Variants in NDNF observed in about 807,000 individuals in gnomAD.
NDNF encodes the protein neuron derived neurotrophic factor.
A neutral mutation model predicts 42.0 loss-of-function variants in NDNF; 16 were observed. That is an observed-to-expected ratio of 0.38 (90% confidence interval 0.26 to 0.58). NDNF has a LOEUF of 0.58. Ranked by LOEUF, NDNF falls within the 20% of genes least tolerant of loss-of-function variation. The pLI, the probability that NDNF is intolerant of heterozygous loss-of-function variation, is 0.67. For missense variants in NDNF, 616 were observed against 666.2 expected, an observed-to-expected ratio of 0.92 and a Z score of 0.83; for synonymous variants, 248 against 251.7, an observed-to-expected ratio of 0.99 and a Z score of 0.14.
intron 1 of NDNF, among the ~76,000 whole-genome samples, chr4:121,055,335 A>G (rs1484988976): frequency 6.6e-6 from 1 of 152,152 alleles, no homozygotes; most frequent in African/African-American, 2.4e-5. Flanking sequence ...GATGAGGAAT[A>G]ATGGAAAAAC....
At chr4:121,069,311 G>T (rs1001151995) in intron 1 of NDNF, among the ~76,000 whole-genome samples, 1 of 152,106 alleles carries the variant, frequency 6.6e-6, no homozygotes, top group African/African-American at 2.4e-5. Flanking sequence ...AACAGACCCA[G>T]GACAAATAAG....
intron 2 of NDNF, 103 bp from the exon 3 acceptor site, chr4:121,040,157 T>A: frequency 1.8e-6 from 2 of 1,142,096 alleles, no homozygotes; most frequent in East Asian, 2.9e-5. Flanking sequence ...TTTCATTTTA[T>A]AAATTTTATA....
chr4:121,054,917 C>A (rs1727258836), intron 1 of NDNF, among the ~76,000 whole-genome samples: 2 of 152,188 alleles, frequency 1.3e-5, no homozygotes, highest in African/African-American at 4.8e-5. Flanking sequence ...GCAACCTCTA[C>A]CTCCTGAGCT....
At chr4:121,049,657 A>C (rs563183777) in intron 1 of NDNF, among the ~76,000 whole-genome samples, 1 of 152,188 alleles carries the variant, frequency 6.6e-6, no homozygotes, top group Admixed American at 6.5e-5. Context: ...TCTATTTATT[A>C]AACTATTTTA....
At chr4:121,044,844 T>C (rs2148765114) in intron 2 of NDNF, among the ~76,000 whole-genome samples, 1 of 152,180 alleles carries the variant, frequency 6.6e-6, no homozygotes, top group East Asian at 1.9e-4. Flanking sequence ...CACACACCTA[T>C]AGTCCCAGCT....
chr4:121,054,584 G>A (rs1727252564), intron 1 of NDNF, among the ~76,000 whole-genome samples: 1 of 152,216 alleles, frequency 6.6e-6, no homozygotes, highest in Admixed American at 6.5e-5. Context: ...CATTTATGCT[G>A]TCATCTGAAT....
chr4:121,037,340 A>T lies in NDNF; in HGVS notation c.631T>A (p.Tyr211Asn). 6.2e-7 allele frequency: 1 copy of T among 1,614,102 alleles called. No homozygotes were observed. The highest frequency in any genetic ancestry group is 8.5e-7 in the Non-Finnish European group (1 of 1,180,024). The change falls in exon 4 of 4, where the codon TAC becomes AAC. Residue 211 changes from tyrosine (Y) to asparagine (N), a missense_variant. Tyr to Asn is a moderately radical substitution (Grantham distance 143). Coordinates refer to ENST00000379692, the MANE Select transcript of NDNF (RefSeq NM_024574.4). ...TASLLKQPIQ[Y>N]CVVINKEHNF... ...TGCTCTTTGTTGATGACCACACAGT[A>T]CTGAATGGGTTGTTTCAGCAAAGAG... is the stretch of plus-strand genomic sequence containing the variant.
intron 1 of NDNF, among the ~76,000 whole-genome samples, chr4:121,064,166 T>C (rs1727461554): frequency 6.6e-6 from 1 of 152,234 alleles, no homozygotes; most frequent in Non-Finnish European, 1.5e-5. Context: ...ACCAAAGAGT[T>C]ACAACTTTAT....
chr4:121,036,720 G>C lies in NDNF; in HGVS notation c.1251C>G (p.Tyr417Ter). 1 of 1,614,096 alleles carries C rather than the reference G, an allele frequency of 6.2e-7. No individual in the cohort carries two copies. The highest frequency in any genetic ancestry group is 8.5e-7 in the Non-Finnish European group (1 of 1,180,004). Residue 417 changes from tyrosine to a stop codon, truncating the protein, a stop_gained, in exon 4 of 4, where the codon TAC becomes TAG. Transcript: ENST00000379692. LOFTEE classifies it high-confidence loss of function. Reference sequence around the variant, plus strand: ...TCTTGTTTCCTTTCAGTCGAACGAGGTATTTAGCTTTAGGTTTTCCTCTAA... The same window carrying C: ...TCTTGTTTCCTTTCAGTCGAACGAGCTATTTAGCTTTAGGTTTTCCTCTAA... ...FQLRGKPKAKYLVRLKGNKKG... is the reference protein window; with the variant it reads ...FQLRGKPKAK
intron 1 of NDNF, among the ~76,000 whole-genome samples, chr4:121,048,809 G>A (rs1579314353): frequency 6.6e-6 from 1 of 152,148 alleles, no homozygotes; most frequent in East Asian, 1.9e-4. Flanking sequence ...CTGCACTCCA[G>A]CATGGGCGAC....
At chr4:121,052,999 G>A (rs1727225682) in intron 1 of NDNF, among the ~76,000 whole-genome samples, 1 of 152,154 alleles carries the variant, frequency 6.6e-6, no homozygotes, top group South Asian at 2.1e-4. Context: ...CTCTCACTCT[G>A]CGATAACATG....
chr4:121,060,056 T>C (rs1489427827), intron 1 of NDNF, among the ~76,000 whole-genome samples: 1 of 152,244 alleles, frequency 6.6e-6, no homozygotes, highest in Non-Finnish European at 1.5e-5. Flanking sequence ...CAAGTTTTAA[T>C]ATTTTAAACC....
intron 1 of NDNF, among the ~76,000 whole-genome samples, chr4:121,053,147 C>T (rs1727229940): frequency 6.6e-6 from 1 of 152,202 alleles, no homozygotes; most frequent in East Asian, 1.9e-4. Context: ...CAATAATCTA[C>T]AGATTAGGGA....
At position 121,045,828 on chromosome 4, in the gene NDNF, G is replaced by A. The variant is rs1727082874; in HGVS notation, c.10C>T (p.Leu4Phe). 1.2e-6 allele frequency: 2 copies of A among 1,614,036 alleles called. No individual in the cohort carries two copies. The change falls in exon 2 of 4, where the codon CTC becomes TTC. Residue 4 changes from leucine (L) to phenylalanine (F), a missense_variant. Coordinates refer to ENST00000379692, the MANE Select transcript of NDNF (RefSeq NM_024574.4). The stretch of plus-strand genomic sequence containing the variant: ...AGGAGCCACAGCAGGCACCAGTGGA[G>A]CAGCACCATCCTGAGGCAACAGAAA... Reference protein sequence around the residue: MVLLHWCLLWLLFP... With the variant: MVLFHWCLLWLLFP...
intron 1 of NDNF, among the ~76,000 whole-genome samples, chr4:121,057,192 T>C (rs1243921895): frequency 6.6e-6 from 1 of 152,088 alleles, no homozygotes; most frequent in African/African-American, 2.4e-5. Flanking sequence ...AGAGGACCTG[T>C]AGAGAGGTGA....
At chr4:121,048,436 G>A (rs1393821859) in intron 1 of NDNF, among the ~76,000 whole-genome samples, 3 of 152,172 alleles carry the variant, frequency 2.0e-5, no homozygotes, top group Non-Finnish European at 4.4e-5. Flanking sequence ...CAGGGTATCT[G>A]GGATATTTAG....
At chr4:121,070,168 C>T (rs1284582047) in intron 1 of NDNF, among the ~76,000 whole-genome samples, 2 of 152,098 alleles carry the variant, frequency 1.3e-5, no homozygotes, top group African/African-American at 2.4e-5. Flanking sequence ...AAACTCAAAC[C>T]CCAGTATAAA....
chr4:121,065,351 C>T (rs918279443), intron 1 of NDNF, among the ~76,000 whole-genome samples: 6 of 151,704 alleles, frequency 4.0e-5, no homozygotes, highest in African/African-American at 1.5e-4. Flanking sequence ...GGAGGGCACC[C>T]CCTTTTAAAG....
intron 1 of NDNF, among the ~76,000 whole-genome samples, chr4:121,048,879 T>C (rs891071281): frequency 2.0e-5 from 3 of 152,130 alleles, no homozygotes; most frequent in Non-Finnish European, 2.9e-5. Flanking sequence ...TTAATAAATT[T>C]TGTTGTATAC....
Sources: gnomAD v4.1 joint callset for allele counts (sites outside exome capture counted in the v4.1 genomes callset) on GRCh38, gnomAD v4.1.1 for gene constraint, MANE v1.5 for transcripts, NCBI Gene and HGNC (gene_info 2026-07-23, HGNC 2026-07-21) for gene names.